Variants in BRPF1 observed in about 807,000 individuals in gnomAD.
BRPF1 encodes peregrin.
In BRPF1, 15 loss-of-function variants were observed where a neutral mutation model predicts 115.0. The observed-to-expected ratio is 0.13, with a 90% CI of 0.09 to 0.20. The LOEUF is 0.20. Among genes scored for constraint, BRPF1 ranks in the 10% least tolerant of loss-of-function variants. The probability of loss-of-function intolerance (pLI) is 1.00; values close to 1 mark genes in which losing one functional copy is unlikely to be tolerated. For synonymous variants in BRPF1, 647 were observed against 619.8 expected (o/e 1.04, Z -0.65); for missense variants, 1,118 against 1,638.3 (o/e 0.68, Z 5.48).
chr3:9,740,854 A>G lies in BRPF1; in HGVS notation c.1635A>G (p.Thr545=). ...QFMQRLHSYW[T]LKRQSRNGVP... is the part of the protein sequence containing the mutation. Reference sequence around the variant, plus strand: ...TGCAGAGGCTGCACAGCTACTGGACACTGAAGCGGCAGTCACGGAATGGGG... The same window carrying G: ...TGCAGAGGCTGCACAGCTACTGGACGCTGAAGCGGCAGTCACGGAATGGGG... Residue 545 remains threonine (T), a synonymous_variant, in exon 4 of 14, where the codon ACA becomes ACG. Coordinates refer to ENST00000383829, the MANE Select transcript of BRPF1 (RefSeq NM_001003694.2). 1 of 1,614,154 alleles carries G rather than the reference A, an allele frequency of 6.2e-7. No individual in the cohort carries two copies.
At chr3:9,741,592 G>T (rs542099361) in intron 5 of BRPF1, among the ~76,000 whole-genome samples, 153 bp downstream of exon 5, 1 of 149,762 alleles carries the variant, frequency 6.7e-6, no homozygotes, top group South Asian at 2.1e-4. Context: ...AGCCAAGATC[G>T]TGCCACTGTA....
chr3:9,742,290 G>A lies in BRPF1; in HGVS notation c.2001+119G>A. ...GAAGAGAGGGGCTGGTGGCTCTGGG[G>A]CAGGATGAACTGGAGCCACATGTAT... On this transcript the variant is annotated intron_variant, in intron 6 of 13. Transcript: ENST00000383829. 4 of 1,520,778 alleles carry A rather than the reference G, an allele frequency of 2.6e-6. No individual in the cohort carries two copies. In the East Asian group the frequency reaches 6.8e-5, roughly 26 times the overall value. 94.2% of individuals were successfully genotyped at this position (1,520,778 alleles called of 1,614,324 possible). A position where few individuals can be genotyped will look rare whatever the true frequency, so the allele number is the denominator to read the frequency against.
intron 6 of BRPF1, chr3:9,742,647 C>A: frequency 1.4e-6 from 1 of 728,084 alleles, no homozygotes; most frequent in Non-Finnish European, 1.7e-6. Flanking sequence ...AGTCCCCAAG[C>A]CATTTTCTTA....
chr3:9,743,323 C>T lies in BRPF1; in HGVS notation c.2311+70C>T. 2.6e-6 allele frequency: 4 copies of T among 1,534,906 alleles called. No homozygotes were observed. The highest frequency in any genetic ancestry group is 4.6e-5 in the East Asian group (2 of 43,276). ...ATGGACAGCTTTCCAAAAGTCCCCT[C>T]CTGGGAGCAGGCAGTGTAGGCAGAA... On this transcript the variant is annotated intron_variant, in intron 7 of 13. Coordinates refer to ENST00000383829, the MANE Select transcript of BRPF1 (RefSeq NM_001003694.2). The surrounding 1 kb of genome is among the most constrained non-coding windows in gnomAD (Gnocchi z 6.1).
In BRPF1 at chr3:9,745,437, G is replaced by A; in HGVS notation, c.3069-136G>A. The stretch of plus-strand genomic sequence containing the variant: ...ATCAGCCTAGCCCCTGTGGGTGTTT[G>A]AATTTGAAATTCCTCATATAGCCTC... On this transcript the variant is annotated intron_variant, in intron 10 of 13. Coordinates refer to ENST00000383829, the MANE Select transcript of BRPF1 (RefSeq NM_001003694.2). The surrounding 1 kb of genome is among the most constrained non-coding windows in gnomAD (Gnocchi z 5.1). The A allele has an allele frequency of 8.7e-7, 1 of 1,145,020 alleles. No individual in the cohort carries two copies. Among genetic ancestry groups the A allele is most frequent in the African/African-American group, 1.6e-5 (1 of 64,358 alleles). The allele number at this position is 1,145,020 out of a possible 1,614,324, so 70.9% of individuals were successfully genotyped here.
intron 4 of BRPF1, 50 bp from the exon 5 acceptor site, chr3:9,741,258 C>G (rs2077024439): frequency 1.3e-6 from 2 of 1,525,312 alleles, no homozygotes; most frequent in Non-Finnish European, 1.8e-6. Flanking sequence ...CCCTGTTGAC[C>G]TTTCCTCTGG....
chr3:9,742,389 A>G (rs2077046298), intron 6 of BRPF1: 1 of 985,284 alleles, frequency 1.0e-6, no homozygotes, highest in Non-Finnish European at 1.2e-6. Context: ...CCTTCCCCAG[A>G]GGCAGGGACT....
intron 3 of BRPF1, 143 bp from the exon 4 acceptor site, chr3:9,740,636 C>G: frequency 2.8e-6 from 3 of 1,084,152 alleles, no homozygotes; most frequent in Non-Finnish European, 2.7e-6. Flanking sequence ...TCTTCCTTGC[C>G]TTAAGTCCAG....
intron 3 of BRPF1, 40 bp downstream of exon 3, chr3:9,739,998 G>A: frequency 6.7e-7 from 1 of 1,498,778 alleles, no homozygotes; most frequent in Non-Finnish European, 8.9e-7. Flanking sequence ...GAGGGAGAAA[G>A]GAGCCTCCAG....
intron 2 of BRPF1, among the ~76,000 whole-genome samples, chr3:9,737,289 CACAT>C (rs1192927387): frequency 3.9e-5 from 6 of 152,144 alleles, no homozygotes; most frequent in Non-Finnish European, 8.8e-5. Flanking sequence ...AGGAGTTAGA[CACAT>C]ACACAGCTAT....
rs765641628 is a variant in BRPF1 at position 9,740,961 on chromosome 3, G to A, written c.1722+20G>A. ...GTTGGGGTACTGTGTCCAGTTCCCT[G>A]TGGGCTCTGGGAACTAGCGCCAGGG... On this transcript the variant is annotated intron_variant, in intron 4 of 13. Transcript: ENST00000383829. The A allele has an allele frequency of 2.0e-4, 321 of 1,602,782 alleles. 1 individual carries two copies. The Admixed American group carries it at 5.3e-3, about 27-fold the overall frequency.
At chr3:9,741,894 C>A in intron 5 of BRPF1, 131 bp from the exon 6 acceptor site, 2 of 1,026,574 alleles carry the variant, frequency 1.9e-6, no homozygotes, top group Non-Finnish European at 2.8e-6. Context: ...AGAAGGTAGA[C>A]CTGTATGAGT....
At chr3:9,733,972 G>C (rs997838581) in intron 1 of BRPF1, among the ~76,000 whole-genome samples, 159 bp from the exon 2 acceptor site, 1 of 152,164 alleles carries the variant, frequency 6.6e-6, no homozygotes, top group African/African-American at 2.4e-5. Context: ...CCAGATATGG[G>C]CTATGGTGGA....
At chr3:9,744,097 C>A in intron 8 of BRPF1, 127 bp from the exon 9 acceptor site, 1 of 1,330,146 alleles carries the variant, frequency 7.5e-7, no homozygotes, top group Non-Finnish European at 1.0e-6. Flanking sequence ...AAATTCCAAG[C>A]CCCTAAAATG....
chr3:9,743,571 C>A lies in BRPF1; in HGVS notation c.2312-7C>A. The A allele has an allele frequency of 6.2e-7, 1 of 1,609,608 alleles. No homozygotes were observed. The highest frequency in any genetic ancestry group is 1.1e-5 in the South Asian group (1 of 90,300). ...GTCTGACCTTTCCCCTCCAACCCTA[C>A]CCCTAGCAGCCGAGGAAGAGCGGCT... On this transcript the variant is annotated splice_polypyrimidine_tract_variant and splice_region_variant and intron_variant, in intron 7 of 13. Coordinates refer to ENST00000383829, the MANE Select transcript of BRPF1 (RefSeq NM_001003694.2). The surrounding 1 kb of genome is among the most constrained non-coding windows in gnomAD (Gnocchi z 6.1).
At chr3:9,744,596 C>T (rs1191946904) in intron 9 of BRPF1, 88 bp downstream of exon 9, 5 of 1,048,490 alleles carry the variant, frequency 4.8e-6, no homozygotes, top group South Asian at 1.8e-5. Flanking sequence ...TTTATTTGCC[C>T]ATAAAAGAGC....
chr3:9,741,656 A>C (rs2077033459), intron 5 of BRPF1, among the ~76,000 whole-genome samples: 1 of 142,452 alleles, frequency 7.0e-6, no homozygotes, highest in African/African-American at 2.5e-5. Context: ...AAAAAAAAAA[A>C]GACCCAGGAG....
chr3:9,746,076 C>T, intron 12 of BRPF1, 146 bp downstream of exon 12: 3 of 1,061,860 alleles, frequency 2.8e-6, no homozygotes, highest in Non-Finnish European at 4.1e-6. Flanking sequence ...TTGAGTACCA[C>T]TTAGAGGCTC....
chr3:9,743,485 G>T lies in BRPF1; in HGVS notation c.2312-93G>T. 1 of 1,414,096 alleles carries T rather than the reference G, an allele frequency of 7.1e-7. No individual in the cohort carries two copies. The highest frequency in any genetic ancestry group is 1.3e-5 in the South Asian group (1 of 75,702). 87.6% of individuals were successfully genotyped at this position (1,414,096 alleles called of 1,614,324 possible). A position where few individuals can be genotyped will look rare whatever the true frequency, so the allele number is the denominator to read the frequency against. ...CAGCTGTTCCTGGTGAGAAGCCCAGGGGGGATGAGTGGGTTTCTTGCTGCC... is the reference window on the plus strand; with the variant it reads ...CAGCTGTTCCTGGTGAGAAGCCCAGTGGGGATGAGTGGGTTTCTTGCTGCC... On this transcript the variant is annotated intron_variant, in intron 7 of 13. Transcript: ENST00000383829. The surrounding 1 kb of genome is among the most constrained non-coding windows in gnomAD (Gnocchi z 6.1).
Sources: allele counts gnomAD v4.1 joint callset (sites outside exome capture counted in the v4.1 genomes callset), GRCh38; gene constraint gnomAD v4.1.1; non-coding constraint Gnocchi (gnomAD v3.1); transcripts MANE v1.5; gene names NCBI Gene and HGNC (gene_info 2026-07-23, HGNC 2026-07-21).